DHX15: variants seen among roughly 807,000 people sequenced by gnomAD.
The protein encoded by DHX15 is ATP-dependent RNA helicase DHX15.
In DHX15, 11 loss-of-function variants were observed where a neutral mutation model predicts 94.4. The observed-to-expected ratio is 0.12, with a 90% CI of 0.07 to 0.19. The LOEUF is 0.19. Ranked by LOEUF, DHX15 falls within the 10% of genes least tolerant of loss-of-function variation. The probability of loss-of-function intolerance (pLI) is 1.00; values close to 1 mark genes in which losing one functional copy is unlikely to be tolerated. For synonymous variants in DHX15, 338 were observed against 329.9 expected (o/e 1.02, Z -0.27); for missense variants, 304 against 988.5 (o/e 0.31, Z 9.29).
At chr4:24,564,720 C>T (rs1303306790) in intron 3 of DHX15, among the ~76,000 whole-genome samples, 2 of 152,142 alleles carry the variant, frequency 1.3e-5, no homozygotes, top group African/African-American at 2.4e-5. Context: ...ACATGAGCAA[C>T]ACTAACTTAC....
chr4:24,552,804 G>C (rs1247734493), intron 5 of DHX15, among the ~76,000 whole-genome samples: 2 of 152,132 alleles, frequency 1.3e-5, no homozygotes, highest in East Asian at 1.9e-4. Flanking sequence ...CTGACAACTA[G>C]AGCAGCATTT....
At position 24,584,397 on chromosome 4, in the gene DHX15, C is replaced by T. The variant is rs1272693441; in HGVS notation, c.-4G>A. The T allele has an allele frequency of 3.7e-6, 6 of 1,611,394 alleles. No individual in the cohort carries two copies. The South Asian group carries it at 4.4e-5, about 12-fold the overall frequency. ...CCAACCGGTGCCGCTTGGACATCCTCGCACTCTTCGAACGGGCAGTTATTA... is the reference window on the plus strand; with the variant it reads ...CCAACCGGTGCCGCTTGGACATCCTTGCACTCTTCGAACGGGCAGTTATTA... On this transcript the variant is annotated 5_prime_UTR_variant, in exon 1 of 14. Coordinates refer to ENST00000336812, the MANE Select transcript of DHX15 (RefSeq NM_001358.3).
intron 6 of DHX15, among the ~76,000 whole-genome samples, chr4:24,544,394 A>T (rs985046470): frequency 6.6e-6 from 1 of 152,190 alleles, no homozygotes; most frequent in Admixed American, 6.5e-5. Context: ...GGTATTTCAG[A>T]ATAATTTACA....
chr4:24,578,625 A>T (rs1421039276), intron 1 of DHX15, among the ~76,000 whole-genome samples: 1 of 152,122 alleles, frequency 6.6e-6, no homozygotes, highest in African/African-American at 2.4e-5. Context: ...GCAGTGGCTC[A>T]CTGGATCATG....
chr4:24,529,442 G>A (rs1721032797), intron 13 of DHX15, among the ~76,000 whole-genome samples, 159 bp downstream of exon 13: 1 of 152,188 alleles, frequency 6.6e-6, no homozygotes, highest in Non-Finnish European at 1.5e-5. Flanking sequence ...AAGGAAGGGT[G>A]TGAAAGATTA....
At chr4:24,580,724 G>C (rs1722391418) in intron 1 of DHX15, 1 of 151,902 alleles carries the variant, frequency 6.6e-6, no homozygotes, top group South Asian at 2.1e-4. Context: ...TATTACCTTG[G>C]CCAGGCTGGT....
intron 3 of DHX15, among the ~76,000 whole-genome samples, chr4:24,569,922 G>A (rs1292091217): frequency 6.6e-6 from 1 of 152,328 alleles, no homozygotes; most frequent in East Asian, 1.9e-4. Flanking sequence ...ACAGGCATAT[G>A]CCACTGAGCC....
intron 11 of DHX15, chr4:24,534,257 T>C (rs1176345061): frequency 6.6e-6 from 1 of 152,194 alleles, no homozygotes; most frequent in Non-Finnish European, 1.5e-5. Flanking sequence ...TTACTTATGC[T>C]GATGCTCTGT....
chr4:24,528,508 T>C (rs1036598812), intron 13 of DHX15, among the ~76,000 whole-genome samples: 2 of 152,244 alleles, frequency 1.3e-5, no homozygotes, highest in African/African-American at 2.4e-5. Flanking sequence ...AGTTTAGCTA[T>C]ATAATTTTTT....
chr4:24,550,805 T>G (rs939564455), intron 5 of DHX15, among the ~76,000 whole-genome samples: 2 of 152,200 alleles, frequency 1.3e-5, no homozygotes, highest in Non-Finnish European at 2.9e-5. Flanking sequence ...CAAAAACCAC[T>G]AACAATGTCC....
chr4:24,578,536 G>A (rs1722332616), intron 1 of DHX15, among the ~76,000 whole-genome samples: 1 of 152,170 alleles, frequency 6.6e-6, no homozygotes, highest in Non-Finnish European at 1.5e-5. Context: ...ATGGGGGAAG[G>A]AGGAGATGAC....
intron 1 of DHX15, among the ~76,000 whole-genome samples, chr4:24,583,111 TGA>T (rs2109014928): frequency 6.6e-6 from 1 of 152,352 alleles, no homozygotes; most frequent in African/African-American, 2.4e-5. Context: ...ACAGGTGACT[TGA>T]CACAGTGATT....
intron 1 of DHX15, chr4:24,581,039 T>A (rs923427803): frequency 4.0e-5 from 6 of 151,784 alleles, no homozygotes; most frequent in Admixed American, 1.3e-4. Flanking sequence ...TTTATTATTT[T>A]TTTTTTTTTG....
intron 11 of DHX15, among the ~76,000 whole-genome samples, chr4:24,535,101 A>G (rs892740402): frequency 1.3e-5 from 2 of 152,098 alleles, no homozygotes; most frequent in African/African-American, 4.8e-5. Context: ...ACCAATGGCT[A>G]ATCATCCCTT....
At chr4:24,530,042 A>T (rs1721040962) in intron 12 of DHX15, 1 of 491,210 alleles carries the variant, frequency 2.0e-6, no homozygotes, top group African/African-American at 2.0e-5. Context: ...ACATTCCGTG[A>T]AGCATGAGTA....
chr4:24,550,118 A>AAAAAAAAAAC (rs1560766877), intron 5 of DHX15, among the ~76,000 whole-genome samples: 4 of 145,190 alleles, frequency 2.8e-5, no homozygotes, highest in African/African-American at 1.0e-4. Context: ...AAAAAAAAAA[A>AAAAAAAAAAC]AAAAACGGTA....
At chr4:24,571,441 C>T (rs755851225) in intron 2 of DHX15, among the ~76,000 whole-genome samples, 74 of 152,182 alleles carry the variant, frequency 4.9e-4, no homozygotes, top group Non-Finnish European at 8.1e-4. Flanking sequence ...GGACCTAGAG[C>T]AGCACCACTT....
intron 2 of DHX15, among the ~76,000 whole-genome samples, chr4:24,573,311 T>C (rs2109010082): frequency 6.6e-6 from 1 of 152,348 alleles, no homozygotes; most frequent in East Asian, 1.9e-4. Context: ...TCTTCTTGTT[T>C]TACATAATAT....
rs759893182 is a variant in DHX15, at chr4:24,584,307, C to T, written c.71+16G>A. ...CAAAGCCCGAGCTGCCGCCTCGCGC[C>T]CCCGGCCTGGCTTACCCATCGGTCC... On this transcript the variant is annotated intron_variant, in intron 1 of 13. Coordinates refer to ENST00000336812, the MANE Select transcript of DHX15 (RefSeq NM_001358.3). 5.0e-6 allele frequency: 8 copies of T among 1,608,834 alleles called. No homozygotes were observed. The South Asian group carries it at 5.5e-5, about 11-fold the overall frequency.
Sources: gnomAD v4.1 joint callset for allele counts (sites outside exome capture counted in the v4.1 genomes callset) on GRCh38, gnomAD v4.1.1 for gene constraint, MANE v1.5 for transcripts, NCBI Gene and HGNC (gene_info 2026-07-23, HGNC 2026-07-21) for gene names.